The following CASTOR2 variants were observed in gnomAD, a reference collection of about 807,000 sequenced individuals.
CASTOR2 encodes cytosolic arginine sensor for mTORC1 subunit 2.
A neutral mutation model predicts 31.2 loss-of-function variants in CASTOR2; 8 were observed. That is an observed-to-expected ratio of 0.26 (90% confidence interval 0.15 to 0.46). The LOEUF (loss-of-function observed/expected upper bound fraction) is 0.46, where lower values mean the gene tolerates loss of function less well. Ranked by LOEUF, CASTOR2 falls within the 20% of genes least tolerant of loss-of-function variation. The pLI is 0.99. For missense variants in CASTOR2, 216 were observed against 382.1 expected, an observed-to-expected ratio of 0.57 and a Z score of 3.62; for synonymous variants, 162 against 158.7, an observed-to-expected ratio of 1.02 and a Z score of -0.16.
chr7:74,987,899 G>A (rs1804110561), intron 1 of CASTOR2, among the ~76,000 whole-genome samples: 1 of 151,716 alleles, frequency 6.6e-6, no homozygotes, highest in South Asian at 2.1e-4. Context: ...GTAGAGACAG[G>A]GTTTCACCAT....
intron 1 of CASTOR2, among the ~76,000 whole-genome samples, chr7:75,002,123 A>G (rs1437001712): frequency 2.0e-5 from 3 of 151,474 alleles, no homozygotes; most frequent in Non-Finnish European, 2.9e-5. Flanking sequence ...ACAGGGTTTC[A>G]CCATGTTGGC....
intron 1 of CASTOR2, among the ~76,000 whole-genome samples, chr7:74,995,518 A>G (rs1804322229): frequency 6.7e-6 from 1 of 148,594 alleles, no homozygotes. Flanking sequence ...AATGAAAAAA[A>G]AAAAAAAGGC....
In CASTOR2 at chr7:74,981,794, C is replaced by T. The variant is rs1455026693; in HGVS notation, c.113+16696C>T. ...TCAAATGTGAAATCAAGGCCCGGTG[C>T]GGTGGCTCACGCCTATAATCCCAGC... On this transcript the variant is annotated intron_variant, in intron 1 of 8. Coordinates refer to ENST00000616305, the MANE Select transcript of CASTOR2 (RefSeq NM_001145064.3). 5.4e-3 allele frequency among the ~76,000 whole-genome samples: 788 copies of T among 145,574 alleles called. 48 individuals carry two copies. In the East Asian group the frequency reaches 0.14, roughly 25 times the overall value.
intron 1 of CASTOR2, 188 bp from the exon 2 acceptor site, chr7:75,007,806 C>T: frequency 1.4e-6 from 1 of 730,728 alleles, no homozygotes; most frequent in Non-Finnish European, 2.4e-6. Flanking sequence ...ATCTCTGTGC[C>T]TCTCCTGAGT....
intron 2 of CASTOR2, among the ~76,000 whole-genome samples, chr7:75,012,469 A>AT (rs1178305855): frequency 3.4e-5 from 5 of 146,624 alleles, no homozygotes; most frequent in Non-Finnish European, 7.5e-5. Context: ...CACCCGGCTA[A>AT]TTTTTTTTTG....
intron 1 of CASTOR2, among the ~76,000 whole-genome samples, chr7:75,000,326 G>A (rs1379047029): frequency 1.3e-5 from 2 of 152,140 alleles, no homozygotes; most frequent in Admixed American, 1.3e-4. Context: ...GGGGTGGGCG[G>A]TCTCCAGAAG....
intron 1 of CASTOR2, among the ~76,000 whole-genome samples, chr7:74,996,687 T>C (rs1201661293): frequency 1.2e-3 from 174 of 147,586 alleles, no homozygotes; most frequent in African/African-American, 4.2e-3. Context: ...GGATGCTGTT[T>C]ATGAAAGCAA....
Position 75,020,098 on chromosome 7 carries a change from C to T in CASTOR2, c.695C>T (p.Ser232Phe). 6.4e-7 allele frequency: 1 copy of T among 1,551,530 alleles called. No individual in the cohort carries two copies. Residue 232 changes from serine to phenylalanine, a missense_variant, in exon 6 of 9, where the codon TCC becomes TTC. Physicochemically the swap from Ser to Phe is radical, Grantham distance 155 (BLOSUM62 -2). This residue lies in a region of CASTOR2 where 44 missense variants were observed against 57.5 expected (regional missense o/e 0.76). Coordinates refer to ENST00000616305, the MANE Select transcript of CASTOR2 (RefSeq NM_001145064.3). ...DCGHIRFFSF[S>F]LIEGYISLVM... The stretch of plus-strand genomic sequence containing the variant: ...GGCCACATCCGCTTCTTCTCCTTCT[C>T]CCTCATCGAGGGCTACATCTCCCTG...
intron 1 of CASTOR2, among the ~76,000 whole-genome samples, chr7:74,969,749 C>CT (rs1256378281): frequency 2.7e-5 from 4 of 148,344 alleles, no homozygotes; most frequent in African/African-American, 1.0e-4. Flanking sequence ...GCCTTAGAGC[C>CT]TATCTCAGAT....
At chr7:75,004,472 C>G (rs1273959250) in intron 1 of CASTOR2, among the ~76,000 whole-genome samples, 18 of 150,296 alleles carry the variant, frequency 1.2e-4, no homozygotes, top group Admixed American at 4.0e-4. Flanking sequence ...TTTTTCCCCC[C>G]GAGATGGAGT....
intron 1 of CASTOR2, 152 bp from the exon 2 acceptor site, chr7:75,007,842 G>A (rs1395264824): frequency 2.2e-6 from 2 of 912,458 alleles, no homozygotes; most frequent in East Asian, 5.2e-5. Flanking sequence ...GGACATGAAG[G>A]GAGAGATAAA....
At chr7:74,984,262 C>CA (rs1289368937) in intron 1 of CASTOR2, among the ~76,000 whole-genome samples, 1 of 150,116 alleles carries the variant, frequency 6.7e-6, no homozygotes, top group Non-Finnish European at 1.5e-5. Flanking sequence ...CTAAGGCAGG[C>CA]AGGCAGGTAT....
intron 1 of CASTOR2, among the ~76,000 whole-genome samples, chr7:74,982,017 A>C (rs1363672756): frequency 2.4e-5 from 2 of 82,710 alleles, no homozygotes; most frequent in African/African-American, 5.1e-5. Flanking sequence ...GCAGTGAGCT[A>C]TGCTCACACC....
chr7:74,994,978 G>A (rs1343534497), intron 1 of CASTOR2, among the ~76,000 whole-genome samples: 2 of 152,130 alleles, frequency 1.3e-5, no homozygotes, highest in Non-Finnish European at 2.9e-5. Context: ...AGACGTCAGA[G>A]GAGACCGTGC....
chr7:74,997,737 G>GA (rs1804386505), intron 1 of CASTOR2, among the ~76,000 whole-genome samples: 1 of 142,624 alleles, frequency 7.0e-6, no homozygotes, highest in Non-Finnish European at 1.5e-5. Flanking sequence ...AGGTGTTTTT[G>GA]TTTTTTTTTT....
Position 75,031,292 on chromosome 7 carries a change from C to T in CASTOR2, c.*6593C>T, listed in dbSNP as rs1024668437. ...CCCTCCAACCCTCACCTGGCGTGCC[C>T]GGGTCACCAGCAGCAGCAGCGGCGT... On this transcript the variant is annotated 3_prime_UTR_variant, in exon 9 of 9. Coordinates refer to ENST00000616305, the MANE Select transcript of CASTOR2 (RefSeq NM_001145064.3). 2.6e-4 allele frequency among the ~76,000 whole-genome samples: 40 copies of T among 152,206 alleles called. No homozygotes were observed. In the South Asian group the frequency reaches 5.0e-3, roughly 19 times the overall value.
intron 1 of CASTOR2, among the ~76,000 whole-genome samples, chr7:74,993,803 A>C (rs1322035888): frequency 7.0e-6 from 1 of 141,860 alleles, no homozygotes; most frequent in Admixed American, 7.0e-5. Flanking sequence ...CACAGATTAA[A>C]AAAAAAAAAA....
intron 6 of CASTOR2, 102 bp downstream of exon 6, chr7:75,020,251 G>GTT: frequency 5.2e-6 from 6 of 1,151,122 alleles, no homozygotes; most frequent in South Asian, 1.4e-5. Context: ...ATTTGTTGTT[G>GTT]TTTTTTTTTG....
intron 2 of CASTOR2, among the ~76,000 whole-genome samples, chr7:75,013,047 C>T (rs1448087898): frequency 1.3e-5 from 2 of 152,214 alleles, no homozygotes; most frequent in Admixed American, 6.5e-5. Flanking sequence ...CTTGGCCTCC[C>T]AAAGTGTTGG....
Sources: gnomAD v4.1 joint callset for allele counts (sites outside exome capture counted in the v4.1 genomes callset) on GRCh38, gnomAD v4.1.1 for gene constraint, gnomAD v4.1.1 regional missense constraint, MANE v1.5 for transcripts, NCBI Gene and HGNC (gene_info 2026-07-23, HGNC 2026-07-21) for gene names.